Variants in NINJ2 observed in about 807,000 individuals in gnomAD.
NINJ2 encodes ninjurin 2, also known as ninjurin-2.
NINJ2 carries 12 observed loss-of-function variants against 11.7 expected under a neutral mutation model. The ratio of observed to expected loss-of-function variants is 1.02; its 90% CI spans 0.66 to 1.66. The LOEUF (loss-of-function observed/expected upper bound fraction) is 1.66, where lower values mean the gene tolerates loss of function less well. Among genes scored for constraint, NINJ2 ranks in the 40% most tolerant of loss-of-function variants. The probability of loss-of-function intolerance (pLI) is 0.00; values close to 1 mark genes in which losing one functional copy is unlikely to be tolerated. For missense variants in NINJ2, 187 were observed against 181.8 expected (o/e 1.03, Z -0.16); for synonymous variants, 93 against 76.8 (o/e 1.21, Z -1.10).
chr12:565,443 C>A, intron 2 of NINJ2, 42 bp from the exon 3 acceptor site: 1 of 1,596,060 alleles, frequency 6.3e-7, no homozygotes. Flanking sequence ...AGAGACGGGG[C>A]CACAGCACGG....
rs375057276 is a variant in NINJ2, at chr12:566,248, GGA to G, written c.34-72_34-71del. The G allele has an allele frequency of 1.7e-4, 229 of 1,311,076 alleles. 1 individual carries two copies. The African/African-American group carries it at 2.5e-3, about 14-fold the overall frequency. 81.2% of individuals were successfully genotyped at this position (1,311,076 alleles called of 1,614,324 possible). A position where few individuals can be genotyped will look rare whatever the true frequency, so the allele number is the denominator to read the frequency against. On this transcript the variant is annotated intron_variant, in intron 1 of 3. Coordinates refer to ENST00000305108, the MANE Select transcript of NINJ2 (RefSeq NM_016533.6). ...GGAAGCAGTTGAGAGGTGGGAGAGA[GGA>G]GAGAGGTTTTAAAGCTCTTTCCAAT...
chr12:598,662 A>C, intron 1 of NINJ2, among the ~76,000 whole-genome samples: 1 of 152,178 alleles, frequency 6.6e-6, no homozygotes, highest in Non-Finnish European at 1.5e-5. Flanking sequence ...ATTAAGGAAA[A>C]TTTTAATCCT....
At chr12:588,196 G>GA (rs1947669442) in intron 1 of NINJ2, among the ~76,000 whole-genome samples, 6 of 69,994 alleles carry the variant, frequency 8.6e-5, no homozygotes, top group South Asian at 5.2e-4. Flanking sequence ...GGAAGGGACG[G>GA]AGGGGACGGA....
intron 1 of NINJ2, among the ~76,000 whole-genome samples, chr12:650,543 A>G (rs1466665342): frequency 6.6e-6 from 1 of 152,106 alleles, no homozygotes; most frequent in Non-Finnish European, 1.5e-5. Context: ...TCCAAAAATT[A>G]CAAAAATTAG....
In NINJ2 at chr12:657,556, T is replaced by C. The variant is rs139033025; in HGVS notation, c.33+5772A>G. Among the ~76,000 whole-genome samples, 809 of 152,166 alleles carry C rather than the reference T, an allele frequency of 5.3e-3. 12 individuals carry two copies. The highest frequency in any genetic ancestry group is 0.019 in the African/African-American group (770 of 41,494). On this transcript the variant is annotated intron_variant, in intron 1 of 3. Transcript: ENST00000305108. ...GTGAGCTGAGATCGGGCCACTGCAC[T>C]CCAGCCTGGAAGACAGAGCGAGACT...
At chr12:590,195 GCCTCC>G (rs1947699611) in intron 1 of NINJ2, among the ~76,000 whole-genome samples, 1 of 152,214 alleles carries the variant, frequency 6.6e-6, no homozygotes, top group African/African-American at 2.4e-5. Flanking sequence ...TCCTGCCTCA[GCCTCC>G]CAATGTGCTG....
chr12:578,491 C>A (rs578185498), intron 1 of NINJ2, among the ~76,000 whole-genome samples: 1 of 152,190 alleles, frequency 6.6e-6, no homozygotes, highest in South Asian at 2.1e-4. Context: ...ATTTTTAAAA[C>A]GTTTTTTGTA....
rs774811961 is a variant in NINJ2, at chr12:628,722, GC to G, written c.33+34605del. Among the ~76,000 whole-genome samples, 2 of 152,140 alleles carry G rather than the reference GC, an allele frequency of 1.3e-5. No homozygotes were observed. The highest frequency in any genetic ancestry group is 2.9e-5 in the Non-Finnish European group (2 of 68,018). ...TGATAAAGCAGGATGCAGTAAGGAA[GC>G]CTGCCAAAACCCACCAAAACCAAGA... On this transcript the variant is annotated intron_variant, in intron 1 of 3. Transcript: ENST00000305108. The surrounding 1 kb of genome is among the most constrained non-coding windows in gnomAD (Gnocchi z 4.4).
intron 1 of NINJ2, chr12:632,364 G>A (rs1178416934): frequency 6.6e-6 from 1 of 152,226 alleles, no homozygotes; most frequent in Non-Finnish European, 1.5e-5. Context: ...TCCAGTGTCA[G>A]GAGTGTTTGG....
chr12:612,603 G>T (rs34336285), intron 1 of NINJ2, among the ~76,000 whole-genome samples: 15,406 of 152,178 alleles, frequency 0.1, 987 homozygotes, highest in Middle Eastern at 0.17. Flanking sequence ...GGAGCTGTCT[G>T]GGTTGGTAGG....
intron 1 of NINJ2, among the ~76,000 whole-genome samples, chr12:654,453 A>G (rs549100179): frequency 2.0e-5 from 3 of 151,324 alleles, no homozygotes; most frequent in Non-Finnish European, 4.4e-5. Context: ...CCCGGGAGGC[A>G]GAGGTTGCGG....
At chr12:649,531 G>GTATATGTATATATATATATA (rs1555167492) in intron 1 of NINJ2, among the ~76,000 whole-genome samples, 1 of 127,698 alleles carries the variant, frequency 7.8e-6, no homozygotes, top group Non-Finnish European at 1.6e-5. Flanking sequence ...GTGTATATGT[G>GTATATGTATATATATATATA]TATATATATA....
At chr12:659,502 G>A (rs961914031) in intron 1 of NINJ2, among the ~76,000 whole-genome samples, 5 of 152,158 alleles carry the variant, frequency 3.3e-5, no homozygotes, top group Non-Finnish European at 7.3e-5. Context: ...TGGGAGATGC[G>A]CAGGCTTAGC....
chr12:655,077 A>G (rs1185040584), intron 1 of NINJ2, among the ~76,000 whole-genome samples: 3 of 152,188 alleles, frequency 2.0e-5, no homozygotes, highest in Admixed American at 2.0e-4. Context: ...TCAATTTGAT[A>G]AAGAATATCT....
At chr12:565,808 G>C in intron 2 of NINJ2, 142 bp downstream of exon 2, 1 of 775,886 alleles carries the variant, frequency 1.3e-6, no homozygotes, top group South Asian at 1.4e-5. Flanking sequence ...TTGGGCCTCT[G>C]TTAGCGGAGG....
intron 1 of NINJ2, among the ~76,000 whole-genome samples, chr12:605,070 C>T (rs1947923832): frequency 6.6e-6 from 1 of 152,204 alleles, no homozygotes; most frequent in South Asian, 2.1e-4. Flanking sequence ...GGATAGAGGC[C>T]AGTTTGGATG....
intron 1 of NINJ2, among the ~76,000 whole-genome samples, chr12:625,099 T>C (rs1948197611): frequency 9.9e-6 from 1 of 101,324 alleles, no homozygotes; most frequent in African/African-American, 3.7e-5. Flanking sequence ...AGAGACTTCA[T>C]CTCAAAAAAA....
intron 1 of NINJ2, among the ~76,000 whole-genome samples, chr12:587,028 A>G (rs1018284187): frequency 6.6e-6 from 1 of 152,220 alleles, no homozygotes; most frequent in Non-Finnish European, 1.5e-5. Context: ...GGTTCATACC[A>G]ATATCTGGGA....
At chr12:638,831 G>A (rs75750647) in intron 1 of NINJ2, among the ~76,000 whole-genome samples, 19,743 of 152,206 alleles carry the variant, frequency 0.13, 1,581 homozygotes, top group East Asian at 0.3. Flanking sequence ...CGGGAACCAT[G>A]CTCCACCCTG....
Sources: allele counts gnomAD v4.1 joint callset (sites outside exome capture counted in the v4.1 genomes callset), GRCh38; gene constraint gnomAD v4.1.1; non-coding constraint Gnocchi (gnomAD v3.1); transcripts MANE v1.5; gene names NCBI Gene and HGNC (gene_info 2026-07-23, HGNC 2026-07-21).